TRPM3: variants seen among roughly 807,000 people sequenced by gnomAD.
The protein encoded by TRPM3 is long transient receptor potential channel 3.
Under a neutral mutation model 181.2 loss-of-function variants are expected in TRPM3, and 77 were observed. That is an observed-to-expected ratio of 0.42 (90% CI 0.35 to 0.51). The LOEUF (loss-of-function observed/expected upper bound fraction) is 0.51. Ranked by LOEUF, TRPM3 falls within the 20% of genes least tolerant of loss-of-function variation. The pLI, the probability that TRPM3 is intolerant of heterozygous loss-of-function variation, is 0.01. For missense variants in TRPM3, 1,759 were observed against 2,196.7 expected, an observed-to-expected ratio of 0.80 and a Z score of 3.98; for synonymous variants, 745 against 796.4, an observed-to-expected ratio of 0.94 and a Z score of 1.09.
In TRPM3 at chr9:70,991,583, T is replaced by C. The variant is rs976534587; in HGVS notation, c.178-127072A>G. ...TTTTTTTTTTTTTTTTGAGTACTAATAAGGGATCCATAGGCTTTCCCAGAG... is the reference window on the plus strand; with the variant it reads ...TTTTTTTTTTTTTTTTGAGTACTAACAAGGGATCCATAGGCTTTCCCAGAG... On this transcript the variant is annotated intron_variant, in intron 1 of 25. Coordinates refer to ENST00000677713, the MANE Select transcript of TRPM3 (RefSeq NM_001366145.2). Among the ~76,000 whole-genome samples the C allele has an allele frequency of 3.1e-5, 4 of 129,326 alleles. No individual in the cohort carries two copies. In the East Asian group the frequency reaches 1.0e-3, roughly 32 times the overall value. 84.8% of individuals were successfully genotyped at this position (129,326 alleles called of 152,430 possible).
chr9:71,026,759 A>C (rs368846943), intron 1 of TRPM3, among the ~76,000 whole-genome samples: 3 of 152,308 alleles, frequency 2.0e-5, no homozygotes, highest in East Asian at 3.9e-4. Context: ...AGCGGCCACC[A>C]CTGCCAGTGT....
intron 1 of TRPM3, among the ~76,000 whole-genome samples, chr9:71,217,908 T>G (rs1228712344): frequency 6.6e-6 from 1 of 152,180 alleles, no homozygotes; most frequent in African/African-American, 2.4e-5. Context: ...ACTCACTACC[T>G]TGGAGTGACT....
intron 1 of TRPM3, among the ~76,000 whole-genome samples, chr9:70,966,761 G>C (rs2097189605): frequency 6.6e-6 from 1 of 151,960 alleles, no homozygotes; most frequent in Non-Finnish European, 1.5e-5. Context: ...GGAGGGAAAG[G>C]ATCAGGAAAA....
chr9:70,832,432 G>A (rs146833371), intron 5 of TRPM3, among the ~76,000 whole-genome samples: 1 of 152,262 alleles, frequency 6.6e-6, no homozygotes, highest in African/African-American at 2.4e-5. Context: ...TCCCTTAAGA[G>A]TAAATGAGAG....
intron 1 of TRPM3, among the ~76,000 whole-genome samples, chr9:70,926,345 T>A (rs913795513): frequency 6.6e-6 from 1 of 152,206 alleles, no homozygotes; most frequent in African/African-American, 2.4e-5. Flanking sequence ...TCTGTGAAGT[T>A]ATCTGTATTT....
At chr9:70,549,005 T>G (rs78602483) in intron 25 of TRPM3, among the ~76,000 whole-genome samples, 4,961 of 152,262 alleles carry the variant, frequency 0.033, 264 homozygotes, top group African/African-American at 0.11. Context: ...TTTTTTTGCT[T>G]TCATCTTGTT....
intron 1 of TRPM3, among the ~76,000 whole-genome samples, chr9:71,159,137 A>AGAGAG (rs2076153285): frequency 8.8e-6 from 1 of 113,300 alleles, no homozygotes; most frequent in African/African-American, 3.3e-5. Context: ...GAGAGAGAGA[A>AGAGAG]AGATGTCCAT....
At chr9:70,701,254 C>T (rs2072448443) in intron 8 of TRPM3, among the ~76,000 whole-genome samples, 2 of 152,184 alleles carry the variant, frequency 1.3e-5, no homozygotes, top group Admixed American at 6.5e-5. Flanking sequence ...TGTGACTTAG[C>T]GATGTTCTCA....
At chr9:70,810,669 G>A (rs916542451) in intron 6 of TRPM3, among the ~76,000 whole-genome samples, 4 of 152,016 alleles carry the variant, frequency 2.6e-5, no homozygotes, top group African/African-American at 9.7e-5. Flanking sequence ...CCAAACTTTA[G>A]GGGAGCCTTT....
At chr9:70,888,580 C>T (rs1041441762) in intron 1 of TRPM3, among the ~76,000 whole-genome samples, 1 of 152,060 alleles carries the variant, frequency 6.6e-6, no homozygotes, top group Admixed American at 6.6e-5. Context: ...TGTCTTACAT[C>T]CATTGTTAAT....
rs983323271 is a variant in TRPM3 at position 71,429,651 on chromosome 9, C to T, written c.183+17002G>A. Among the ~76,000 whole-genome samples the T allele has an allele frequency of 3.3e-5, 5 of 152,164 alleles. No homozygotes were observed. The South Asian group carries it at 1.0e-3, about 31-fold the overall frequency. ...ATTTTACGGTTCTGTTTGTGATTTCCTACATTACTCACAGTGTATACTGCA... is the reference window on the plus strand; with the variant it reads ...ATTTTACGGTTCTGTTTGTGATTTCTTACATTACTCACAGTGTATACTGCA... On this transcript the variant is annotated intron_variant, in intron 1 of 24. Transcript: ENST00000357533.
chr9:71,226,586 G>T (rs2080672724), intron 1 of TRPM3, among the ~76,000 whole-genome samples: 1 of 151,930 alleles, frequency 6.6e-6, no homozygotes, highest in Non-Finnish European at 1.5e-5. Flanking sequence ...GACAAAGAAG[G>T]TTATTATATA....
intron 1 of TRPM3, among the ~76,000 whole-genome samples, chr9:71,261,620 T>G (rs918771094): frequency 1.1e-4 from 17 of 152,332 alleles, no homozygotes; most frequent in African/African-American, 3.6e-4. Flanking sequence ...TCATGCCAGT[T>G]TTTCCTAATC....
chr9:71,376,238 G>C (rs766103468), intron 1 of TRPM3, among the ~76,000 whole-genome samples: 2 of 151,540 alleles, frequency 1.3e-5, no homozygotes. Flanking sequence ...TAGAAGAAAT[G>C]GAATTTTATA....
At chr9:70,629,621 G>T (rs1222370347) in intron 12 of TRPM3, among the ~76,000 whole-genome samples, 1 of 152,158 alleles carries the variant, frequency 6.6e-6, no homozygotes, top group Non-Finnish European at 1.5e-5. Flanking sequence ...ACAGGCATGA[G>T]CCACCGCTAT....
At chr9:71,157,280 C>T (rs1210091742) in intron 1 of TRPM3, among the ~76,000 whole-genome samples, 2 of 152,060 alleles carry the variant, frequency 1.3e-5, no homozygotes, top group Non-Finnish European at 2.9e-5. Context: ...TACTAAAATA[C>T]CAAAGTCTCA....
chr9:71,244,852 T>C (rs193143791), intron 1 of TRPM3, among the ~76,000 whole-genome samples: 53 of 152,250 alleles, frequency 3.5e-4, no homozygotes, highest in African/African-American at 8.7e-4. Flanking sequence ...GATAGCACTA[T>C]ACGGAATTTA....
At chr9:71,440,566 C>T (rs2094122679) in intron 1 of TRPM3, among the ~76,000 whole-genome samples, 1 of 152,340 alleles carries the variant, frequency 6.6e-6, no homozygotes, top group South Asian at 2.1e-4. Flanking sequence ...CACCACCACA[C>T]TTAAAGAGGC....
At chr9:70,826,973 T>C (rs1428508257) in intron 6 of TRPM3, 3 of 152,234 alleles carry the variant, frequency 2.0e-5, no homozygotes, top group Non-Finnish European at 4.4e-5. Context: ...AGCATTGCTG[T>C]TTTGATGATG....
Sources: allele counts gnomAD v4.1 joint callset (sites outside exome capture counted in the v4.1 genomes callset), GRCh38; gene constraint gnomAD v4.1.1; transcripts MANE v1.5; gene names NCBI Gene and HGNC (gene_info 2026-07-23, HGNC 2026-07-21).